The following ZDHHC15 variants were observed in gnomAD, a reference collection of about 807,000 sequenced individuals.
The protein encoded by ZDHHC15 is palmitoyltransferase ZDHHC15.
Under a neutral mutation model 31.7 loss-of-function variants are expected in ZDHHC15, and 19 were observed. That is an observed-to-expected ratio of 0.60 (90% confidence interval 0.42 to 0.88). ZDHHC15 has a LOEUF of 0.88. ZDHHC15 is among the 40% of genes least tolerant of loss of function. ZDHHC15 has a pLI of 0.00. For missense variants in ZDHHC15, 209 were observed against 251.2 expected, an observed-to-expected ratio of 0.83 and a Z score of 1.14; for synonymous variants, 103 against 90.0, an observed-to-expected ratio of 1.14 and a Z score of -0.82.
At chrX:75,430,062 C>A in intron 5 of ZDHHC15, 82 bp from the exon 6 acceptor site, 2 of 1,046,780 alleles carry the variant, frequency 1.9e-6, no homozygotes, top group Non-Finnish European at 2.6e-6. Context: ...AAGGTTTCAC[C>A]AGTATTTTTA....
At chrX:75,445,794 T>C (rs978021270) in intron 4 of ZDHHC15, among the ~76,000 whole-genome samples, 2 of 111,833 alleles carry the variant, frequency 1.8e-5, no homozygotes, top group Non-Finnish European at 1.9e-5. Context: ...CCAGGGATAC[T>C]GAGTGCCTAA....
chrX:75,384,576 C>T, intron 10 of ZDHHC15: 1 of 801,036 alleles, frequency 1.2e-6, no homozygotes, highest in Non-Finnish European at 1.9e-6. Flanking sequence ...TTGTTGTAAA[C>T]AAACAAGTTA....
intron 7 of ZDHHC15, among the ~76,000 whole-genome samples, chrX:75,428,834 T>C (rs2083744156): frequency 8.9e-6 from 1 of 111,854 alleles, no homozygotes; most frequent in Non-Finnish European, 1.9e-5. Flanking sequence ...AGAGATTAGG[T>C]ACCCAAAGGC....
intron 3 of ZDHHC15, among the ~76,000 whole-genome samples, chrX:75,470,090 C>T (rs764123386): frequency 9.0e-6 from 1 of 111,384 alleles, no homozygotes; most frequent in Non-Finnish European, 1.9e-5. Context: ...GTCTGCAAGG[C>T]TGCTGCCAAA....
intron 3 of ZDHHC15, among the ~76,000 whole-genome samples, chrX:75,478,687 A>G (rs913280191): frequency 2.7e-5 from 3 of 111,884 alleles, no homozygotes; most frequent in Admixed American, 9.5e-5. Flanking sequence ...TTGGCTTCTT[A>G]GTATTAAAGA....
At position 75,437,909 on chromosome X, in the gene ZDHHC15, A is replaced by G. The variant is rs778882534; in HGVS notation, c.380-6389T>C. Among the ~76,000 whole-genome samples, 6 of 110,823 alleles carry G rather than the reference A, an allele frequency of 5.4e-5. No individual in the cohort carries two copies. In the East Asian group the frequency reaches 1.7e-3, roughly 32 times the overall value. On this transcript the variant is annotated intron_variant, in intron 4 of 11. Transcript: ENST00000373367. The stretch of plus-strand genomic sequence containing the variant: ...CAAAGGGCTAATATCCAGAATCTAC[A>G]AAGAACTCAAACAAATTTACAAGAA...
At chrX:75,384,700 G>A (rs961053971) in intron 10 of ZDHHC15, 4 of 810,959 alleles carry the variant, frequency 4.9e-6, no homozygotes, top group African/African-American at 4.1e-5. Context: ...AAAGAAATAA[G>A]CCAAAGAGAA....
intron 10 of ZDHHC15, among the ~76,000 whole-genome samples, chrX:75,411,447 C>T (rs939679074): frequency 1.2e-4 from 14 of 112,374 alleles, no homozygotes; most frequent in African/African-American, 4.2e-4. Context: ...CTCCTGACCT[C>T]GTGATCCGCC....
At chrX:75,469,953 C>T (rs961001701) in intron 3 of ZDHHC15, among the ~76,000 whole-genome samples, 1 of 111,393 alleles carries the variant, frequency 9.0e-6, no homozygotes, top group African/African-American at 3.3e-5. Context: ...GAGGTGGTAT[C>T]TCATTGTTTT....
chrX:75,386,598 C>T (rs1407505135), intron 10 of ZDHHC15, among the ~76,000 whole-genome samples: 1 of 110,469 alleles, frequency 9.1e-6, no homozygotes, highest in African/African-American at 3.3e-5. Context: ...CTCTCAGCCT[C>T]CTGAGTAGCT....
chrX:75,481,049 G>C (rs747841752), intron 2 of ZDHHC15, among the ~76,000 whole-genome samples: 23 of 111,207 alleles, frequency 2.1e-4, no homozygotes, highest in Non-Finnish European at 4.0e-4. Flanking sequence ...AGTGTCTCTA[G>C]GCTAGCCTTT....
chrX:75,489,110 G>C (rs1230282065), intron 2 of ZDHHC15, among the ~76,000 whole-genome samples: 1 of 111,892 alleles, frequency 8.9e-6, no homozygotes, highest in Non-Finnish European at 1.9e-5. Flanking sequence ...GAACTGGGTG[G>C]AGCCCACCAC....
Position 75,490,259 on chromosome X carries a change from G to A in ZDHHC15, c.164-11274C>T, listed in dbSNP as rs775368441. Among the ~76,000 whole-genome samples the A allele has an allele frequency of 8.1e-5, 9 of 111,086 alleles. No individual in the cohort carries two copies. The South Asian group carries it at 3.1e-3, about 38-fold the overall frequency. On this transcript the variant is annotated intron_variant, in intron 2 of 11. Coordinates refer to ENST00000373367, the MANE Select transcript of ZDHHC15 (RefSeq NM_144969.3). ...AGAGAACGCCACAAAGATACTCCTC[G>A]AGAAGAGCAACTCCAAGACACATAA...
At position 75,487,156 on chromosome X, in the gene ZDHHC15, C is replaced by A. The variant is rs5938080; in HGVS notation, c.164-8171G>T. On this transcript the variant is annotated intron_variant, in intron 2 of 11. Transcript: ENST00000373367. ...ACAGCTAATTCCATGTCCTACAACA[C>A]CCTGGCTAACTAGAGGTCCTGAGTC... 2.6e-3 allele frequency among the ~76,000 whole-genome samples: 286 copies of A among 112,020 alleles called. 3 individuals carry two copies. Among genetic ancestry groups the A allele is most frequent in the Non-Finnish European group, 4.2e-3 (226 of 53,233 alleles).
chrX:75,483,293 T>C (rs970593795), intron 2 of ZDHHC15, among the ~76,000 whole-genome samples: 1 of 110,090 alleles, frequency 9.1e-6, no homozygotes, highest in East Asian at 2.9e-4. Flanking sequence ...AACCACGGGT[T>C]TGTTAAAAAA....
At chrX:75,494,423 G>GA (rs1193537088) in intron 2 of ZDHHC15, among the ~76,000 whole-genome samples, 2 of 110,925 alleles carry the variant, frequency 1.8e-5, no homozygotes, top group African/African-American at 6.6e-5. Flanking sequence ...CACAGAATTG[G>GA]AAAAAACTAC....
At chrX:75,393,263 CTTG>C (rs1282075524) in intron 10 of ZDHHC15, among the ~76,000 whole-genome samples, 2 of 110,984 alleles carry the variant, frequency 1.8e-5, no homozygotes, top group African/African-American at 6.6e-5. Flanking sequence ...TAATGGAATC[CTTG>C]TTGTGTCTCC....
At chrX:75,428,001 C>A (rs2083734588) in intron 7 of ZDHHC15, among the ~76,000 whole-genome samples, 1 of 111,430 alleles carries the variant, frequency 9.0e-6, no homozygotes, top group African/African-American at 3.3e-5. Flanking sequence ...TATTGCCTTA[C>A]CCTTCTCCTT....
At chrX:75,438,148 T>C (rs2083889552) in intron 4 of ZDHHC15, among the ~76,000 whole-genome samples, 1 of 111,898 alleles carries the variant, frequency 8.9e-6, no homozygotes, top group South Asian at 3.8e-4. Flanking sequence ...GGAGAGGATG[T>C]GGAGAAATAG....
Sources: allele counts gnomAD v4.1 joint callset (sites outside exome capture counted in the v4.1 genomes callset), GRCh38; gene constraint gnomAD v4.1.1; transcripts MANE v1.5; gene names NCBI Gene and HGNC (gene_info 2026-07-23, HGNC 2026-07-21).